AGBL1: variants seen among roughly 807,000 people sequenced by gnomAD.
AGBL1 encodes AGBL carboxypeptidase 1.
In AGBL1, 130 loss-of-function variants were observed where a neutral mutation model predicts 118.9. The ratio of observed to expected loss-of-function variants is 1.09; its 90% CI spans 0.95 to 1.26. The LOEUF (loss-of-function observed/expected upper bound fraction) is 1.26. Ranked by LOEUF, AGBL1 falls within the 50% of genes most tolerant of loss-of-function variation. The pLI is 0.00. For missense variants in AGBL1, 1,584 were observed against 1,298.1 expected, an observed-to-expected ratio of 1.22 and a Z score of -3.38; for synonymous variants, 555 against 478.9, an observed-to-expected ratio of 1.16 and a Z score of -2.08.
chr15:87,002,604 C>G (rs928914270), intron 24 of AGBL1, among the ~76,000 whole-genome samples: 5 of 152,188 alleles, frequency 3.3e-5, no homozygotes, highest in Admixed American at 1.3e-4. Context: ...TTCTTCCTAT[C>G]CATGAGCTTG....
At chr15:86,478,743 A>G (rs912159052) in intron 18 of AGBL1, among the ~76,000 whole-genome samples, 4 of 152,242 alleles carry the variant, frequency 2.6e-5, no homozygotes, top group African/African-American at 9.6e-5. Context: ...TTTAAAGTTC[A>G]TATGGAACCA....
chr15:86,090,440 G>A (rs141293126), intron 1 of AGBL1, among the ~76,000 whole-genome samples: 454 of 152,202 alleles, frequency 3.0e-3, no homozygotes, highest in African/African-American at 0.01. Context: ...TATACATATA[G>A]CAATGAGATG....
intron 24 of AGBL1, among the ~76,000 whole-genome samples, chr15:87,023,891 T>G (rs916615788): frequency 2.6e-5 from 4 of 151,880 alleles, no homozygotes; most frequent in African/African-American, 9.7e-5. Context: ...GATCATTGGG[T>G]CAAAAATTAA....
intron 22 of AGBL1, among the ~76,000 whole-genome samples, chr15:86,699,227 T>C (rs2086314721): frequency 1.3e-5 from 2 of 152,078 alleles, no homozygotes; most frequent in Admixed American, 1.3e-4. Context: ...ACACAGACTA[T>C]ATATACCCAG....
intron 22 of AGBL1, among the ~76,000 whole-genome samples, chr15:86,793,563 T>C (rs527673097): frequency 1.3e-5 from 2 of 152,340 alleles, no homozygotes; most frequent in Admixed American, 1.3e-4. Context: ...TTTCACAATT[T>C]GTTTTTAAAA....
At chr15:86,385,067 T>G (rs76658391) in intron 17 of AGBL1, among the ~76,000 whole-genome samples, 6,667 of 152,174 alleles carry the variant, frequency 0.044, 228 homozygotes, top group East Asian at 0.15. Flanking sequence ...CTGAGGCTAT[T>G]GAGTAATTAA....
intron 1 of AGBL1, among the ~76,000 whole-genome samples, chr15:86,085,537 C>T (rs182885938): frequency 1.8e-4 from 27 of 152,314 alleles, no homozygotes; most frequent in African/African-American, 6.5e-4. Context: ...GAACATTGGA[C>T]ATGACTGCTG....
intron 22 of AGBL1, among the ~76,000 whole-genome samples, chr15:86,839,487 T>A (rs534016158): frequency 6.6e-6 from 1 of 152,332 alleles, no homozygotes; most frequent in African/African-American, 2.4e-5. Flanking sequence ...TCTCTTGCTG[T>A]CTCTATTTGC....
chr15:86,281,489 T>C (rs541210334), intron 16 of AGBL1, among the ~76,000 whole-genome samples: 11 of 152,354 alleles, frequency 7.2e-5, no homozygotes, highest in African/African-American at 2.6e-4. Context: ...ATTGGGTAAG[T>C]GATCATGGAT....
intron 9 of AGBL1, among the ~76,000 whole-genome samples, chr15:86,259,249 A>C (rs895753258): frequency 6.6e-6 from 1 of 152,164 alleles, no homozygotes; most frequent in Non-Finnish European, 1.5e-5. Flanking sequence ...ACTTGCCAAA[A>C]TCACCCCTAG....
intron 17 of AGBL1, among the ~76,000 whole-genome samples, chr15:86,391,595 C>T (rs1393867915): frequency 2.0e-5 from 3 of 150,864 alleles, no homozygotes; most frequent in Non-Finnish European, 2.9e-5. Context: ...TTCTTCAGCT[C>T]CAAGAAGCCC....
At chr15:86,368,411 CTA>C (rs1185566688) in intron 17 of AGBL1, among the ~76,000 whole-genome samples, 2 of 152,106 alleles carry the variant, frequency 1.3e-5, no homozygotes, top group Non-Finnish European at 2.9e-5. Context: ...CAAATTCACT[CTA>C]TATGACATCA....
intron 1 of AGBL1, among the ~76,000 whole-genome samples, chr15:86,135,228 C>T (rs1381124115): frequency 5.9e-5 from 9 of 152,152 alleles, no homozygotes; most frequent in African/African-American, 2.2e-4. Context: ...CCTCGCTTAC[C>T]CTGTGATCTG....
intron 8 of AGBL1, among the ~76,000 whole-genome samples, chr15:86,257,582 G>T (rs1221410981): frequency 2.0e-5 from 3 of 152,242 alleles, no homozygotes; most frequent in Non-Finnish European, 4.4e-5. Context: ...AAAAATTAGG[G>T]GCTCAATCAA....
chr15:86,401,934 C>CT (rs772553499), intron 18 of AGBL1, among the ~76,000 whole-genome samples: 13 of 151,824 alleles, frequency 8.6e-5, no homozygotes, highest in Non-Finnish European at 1.5e-4. Context: ...TATGTGGCCT[C>CT]TTTTTTTGGT....
intron 23 of AGBL1, among the ~76,000 whole-genome samples, chr15:86,947,955 AG>A (rs1292288486): frequency 6.6e-6 from 1 of 152,178 alleles, no homozygotes; most frequent in Non-Finnish European, 1.5e-5. Context: ...CTTTAGCTGA[AG>A]TTTTTCTCTA....
chr15:86,588,062 T>TA (rs1425621493), intron 21 of AGBL1, among the ~76,000 whole-genome samples: 2 of 152,222 alleles, frequency 1.3e-5, no homozygotes, highest in African/African-American at 4.8e-5. Flanking sequence ...ATTCTAAATA[T>TA]AAACTTATGT....
intron 23 of AGBL1, among the ~76,000 whole-genome samples, chr15:86,966,702 T>C (rs1017560234): frequency 2.0e-5 from 3 of 152,084 alleles, no homozygotes; most frequent in South Asian, 2.1e-4. Flanking sequence ...ATATGTGCCA[T>C]ATTTTCTTAA....
rs140021238 is a variant in AGBL1 at position 86,912,073 on chromosome 15, G to A, written c.*4779G>A. 4.9e-3 allele frequency: 748 copies of A among 152,228 alleles called. 5 individuals are homozygous for A. The highest frequency in any genetic ancestry group is 0.017 in the African/African-American group (717 of 41,512). The allele number at this position is 152,228 out of a possible 1,614,324, so 9.4% of individuals were successfully genotyped here. ...AAACTCAGACATCCAATGTTTCAAT[G>A]AAATCTCACTTATTTTCCTTAAATC... On this transcript the variant is annotated 3_prime_UTR_variant, in exon 23 of 23. Coordinates refer to ENST00000614907, the MANE Select transcript of AGBL1 (RefSeq NM_001386094.1).
Sources: gnomAD v4.1 joint callset for allele counts (sites outside exome capture counted in the v4.1 genomes callset) on GRCh38, gnomAD v4.1.1 for gene constraint, MANE v1.5 for transcripts, NCBI Gene and HGNC (gene_info 2026-07-23, HGNC 2026-07-21) for gene names.